Variants in RABGAP1L observed in about 807,000 individuals in gnomAD.
RABGAP1L encodes the protein rab GTPase-activating protein 1-like.
A neutral mutation model predicts 137.7 loss-of-function variants in RABGAP1L; 63 were observed. That is an observed-to-expected ratio of 0.46 (90% CI 0.37 to 0.56). The LOEUF is 0.56. Among genes scored for constraint, RABGAP1L ranks in the 20% least tolerant of loss-of-function variants. The pLI is 0.00. For missense variants in RABGAP1L, 1,095 were observed against 1,244.0 expected (o/e 0.88, Z 1.80); for synonymous variants, 431 against 433.7 (o/e 0.99, Z 0.08).
chr1:174,337,529 G>A lies in RABGAP1L; in HGVS notation c.1465+32402G>A, dbSNP rs533137698. Reference sequence around the variant, plus strand: ...TGTATAAAGCAGTGGAAAATCACTGGAGGGATTTGAGCTAGGACATAGCAT... The same window carrying A: ...TGTATAAAGCAGTGGAAAATCACTGAAGGGATTTGAGCTAGGACATAGCAT... On this transcript the variant is annotated intron_variant, in intron 11 of 25. Transcript: ENST00000681986. Among the ~76,000 whole-genome samples the A allele has an allele frequency of 6.6e-5, 10 of 152,262 alleles. No homozygotes were observed. In the South Asian group the frequency reaches 2.1e-3, roughly 32 times the overall value.
intron 12 of RABGAP1L, among the ~76,000 whole-genome samples, chr1:174,372,678 C>T (rs1192538376): frequency 6.6e-6 from 1 of 152,092 alleles, no homozygotes; most frequent in Non-Finnish European, 1.5e-5. Flanking sequence ...ACGTCTCTCT[C>T]AAGACTTAAA....
In RABGAP1L at chr1:174,250,611, A is replaced by G. The variant is rs778470256; in HGVS notation, c.854A>G (p.Asp285Gly). The change falls in exon 6 of 26, where the codon GAC becomes GGC. Residue 285 changes from aspartate (D) to glycine (G), a missense_variant. Asp to Gly is a moderately conservative substitution (Grantham distance 94). Around this residue, in one of 4 missense-constraint regions of RABGAP1L, gnomAD observed 112 missense variants for 157.3 expected, o/e 0.71. Transcript: ENST00000681986. ...AGTGTCTCCTTGGAGGTAAAAGAAG[A>G]CGATGGAAAAGGAAACTTTAGGTGA... ...TFSVSLEVKE[D>G]DGKGNFSPVP... is the part of the protein sequence containing the mutation. 2 of 1,613,242 alleles carry G rather than the reference A, an allele frequency of 1.2e-6. No homozygotes were observed. The highest frequency in any genetic ancestry group is 1.7e-6 in the Non-Finnish European group (2 of 1,179,720).
At chr1:174,233,762 G>T (rs1157431298) in intron 4 of RABGAP1L, among the ~76,000 whole-genome samples, 1 of 135,826 alleles carries the variant, frequency 7.4e-6, no homozygotes, top group Non-Finnish European at 1.5e-5. Context: ...ATGATTTATA[G>T]TCATTTGGGT....
At chr1:174,928,029 C>A (rs1238512939) in intron 19 of RABGAP1L, among the ~76,000 whole-genome samples, 1 of 152,164 alleles carries the variant, frequency 6.6e-6, no homozygotes, top group Non-Finnish European at 1.5e-5. Flanking sequence ...TAATCTGTAG[C>A]CTTCACAAAT....
chr1:174,941,386 A>T (rs1157940273), intron 19 of RABGAP1L, among the ~76,000 whole-genome samples: 1 of 152,094 alleles, frequency 6.6e-6, no homozygotes. Context: ...TTATCTTTAA[A>T]TCTACACCAG....
chr1:174,902,931 C>T (rs537661759), intron 19 of RABGAP1L, among the ~76,000 whole-genome samples: 2 of 152,302 alleles, frequency 1.3e-5, no homozygotes, highest in Non-Finnish European at 2.9e-5. Context: ...TGTTTCTAAT[C>T]GGCCATCTTG....
At chr1:174,817,038 T>A (rs775147080) in intron 19 of RABGAP1L, among the ~76,000 whole-genome samples, 1 of 152,162 alleles carries the variant, frequency 6.6e-6, no homozygotes, top group African/African-American at 2.4e-5. Context: ...CAGTCCTTTT[T>A]TTTTGTTTTG....
At chr1:174,827,419 C>G (rs1018431465) in intron 19 of RABGAP1L, among the ~76,000 whole-genome samples, 1 of 149,400 alleles carries the variant, frequency 6.7e-6, no homozygotes, top group South Asian at 2.2e-4. Context: ...AATACAGATA[C>G]TGGAGGTACT....
At chr1:174,874,257 A>G (rs1312714786) in intron 19 of RABGAP1L, 1 of 152,870 alleles carries the variant, frequency 6.5e-6, no homozygotes, top group Non-Finnish European at 1.5e-5. Context: ...TCTTCTATCA[A>G]ATAAACCTAT....
At chr1:174,705,721 G>A (rs1398211583) in intron 17 of RABGAP1L, 1 of 152,042 alleles carries the variant, frequency 6.6e-6, no homozygotes, top group African/African-American at 2.4e-5. Flanking sequence ...TTTTACAAAG[G>A]AAATTTTTGA....
chr1:174,866,636 G>A (rs982700948), intron 19 of RABGAP1L, among the ~76,000 whole-genome samples: 2 of 152,130 alleles, frequency 1.3e-5, no homozygotes, highest in African/African-American at 4.8e-5. Context: ...TACAGGCCAG[G>A]CATGGTGGCT....
At chr1:174,208,190 T>C (rs1668627961) in intron 1 of RABGAP1L, among the ~76,000 whole-genome samples, 1 of 152,154 alleles carries the variant, frequency 6.6e-6, no homozygotes, top group Non-Finnish European at 1.5e-5. Context: ...CCATTGTATG[T>C]AGGGAGGATA....
At chr1:174,663,418 T>G (rs575589723) in intron 14 of RABGAP1L, among the ~76,000 whole-genome samples, 1 of 152,328 alleles carries the variant, frequency 6.6e-6, no homozygotes, top group African/African-American at 2.4e-5. Flanking sequence ...TGTACAAGTT[T>G]GTAGCTGAGA....
chr1:174,741,032 A>AT (rs1209031209), intron 17 of RABGAP1L, among the ~76,000 whole-genome samples: 5 of 132,202 alleles, frequency 3.8e-5, no homozygotes, highest in Admixed American at 1.5e-4. Context: ...CACTCTGTTG[A>AT]TTTTTTTGTT....
intron 1 of RABGAP1L, among the ~76,000 whole-genome samples, chr1:174,211,833 C>T (rs1398244689): frequency 6.6e-6 from 1 of 152,086 alleles, no homozygotes; most frequent in Non-Finnish European, 1.5e-5. Flanking sequence ...AATAGCTATA[C>T]TTCTATCAGA....
intron 23 of RABGAP1L, among the ~76,000 whole-genome samples, chr1:174,980,669 G>A (rs1363462876): frequency 2.6e-5 from 4 of 152,224 alleles, no homozygotes; most frequent in African/African-American, 9.6e-5. Context: ...CCAGATCAAG[G>A]AAAGTCTTCA....
chr1:174,214,630 G>A (rs1003021590), intron 1 of RABGAP1L, among the ~76,000 whole-genome samples: 1 of 152,092 alleles, frequency 6.6e-6, no homozygotes, highest in African/African-American at 2.4e-5. Context: ...ACCAGTACTA[G>A]CAAGAAACAC....
At chr1:174,916,822 C>G (rs1660960512) in intron 19 of RABGAP1L, among the ~76,000 whole-genome samples, 2 of 152,186 alleles carry the variant, frequency 1.3e-5, no homozygotes, top group African/African-American at 2.4e-5. Context: ...TAATCTTTAG[C>G]TGAAGGCCGT....
chr1:174,833,402 A>ATGTGTGTG (rs1209603840), intron 19 of RABGAP1L, among the ~76,000 whole-genome samples: 7 of 45,406 alleles, frequency 1.5e-4, no homozygotes, highest in Non-Finnish European at 3.5e-4. Context: ...GTGTGTGTGT[A>ATGTGTGTG]TGTGTGTATG....
Sources: allele counts gnomAD v4.1 joint callset (sites outside exome capture counted in the v4.1 genomes callset), GRCh38; gene constraint gnomAD v4.1.1; regional missense constraint gnomAD v4.1.1; transcripts MANE v1.5; gene names NCBI Gene and HGNC (gene_info 2026-07-23, HGNC 2026-07-21).